The following WDR72 variants were observed in gnomAD, a reference collection of about 807,000 sequenced individuals.
WDR72 encodes the protein WD repeat domain 72, also known as WD repeat-containing protein 72.
A neutral mutation model predicts 124.2 loss-of-function variants in WDR72; 120 were observed. That is an observed-to-expected ratio of 0.97 (90% CI 0.83 to 1.12). The LOEUF (loss-of-function observed/expected upper bound fraction) is 1.12, where lower values mean the gene tolerates loss of function less well. Among genes scored for constraint, WDR72 ranks in the 50% most tolerant of loss-of-function variants. The probability of loss-of-function intolerance (pLI) is 0.00; values close to 1 mark genes in which losing one functional copy is unlikely to be tolerated. For missense variants in WDR72, 1,387 were observed against 1,278.8 expected (o/e 1.08, Z -1.29); for synonymous variants, 452 against 441.7 (o/e 1.02, Z -0.29).
chr15:53,639,664 TCTG>T (rs2014774933), intron 14 of WDR72, among the ~76,000 whole-genome samples: 2 of 151,954 alleles, frequency 1.3e-5, no homozygotes, highest in South Asian at 4.2e-4. Flanking sequence ...GTCTGATTCT[TCTG>T]CTATTAATAG....
At chr15:53,714,297 A>T (rs2017641846) in intron 6 of WDR72, 137 bp downstream of exon 6, 2 of 751,590 alleles carry the variant, frequency 2.7e-6, no homozygotes, top group Admixed American at 2.3e-5. Flanking sequence ...GATGGGGGAA[A>T]TATATGGAAG....
At chr15:53,590,622 G>A (rs569765568) in intron 18 of WDR72, among the ~76,000 whole-genome samples, 11 of 152,120 alleles carry the variant, frequency 7.2e-5, no homozygotes, top group African/African-American at 2.6e-4. Context: ...TAATTGGGAA[G>A]CAATGTAATA....
At chr15:53,554,874 AAAC>A (rs1893868462) in intron 18 of WDR72, among the ~76,000 whole-genome samples, 1 of 152,148 alleles carries the variant, frequency 6.6e-6, no homozygotes, top group African/African-American at 2.4e-5. Context: ...AAAAGCAAAC[AAAC>A]AAAAACCCCG....
At chr15:53,663,885 T>C (rs2015690605) in intron 14 of WDR72, among the ~76,000 whole-genome samples, 1 of 141,922 alleles carries the variant, frequency 7.0e-6, no homozygotes, top group African/African-American at 3.1e-5. Context: ...TTTCAATGCA[T>C]CTCTATAACT....
rs2013093092 is a variant in WDR72, at chr15:53,602,583, T to A, written c.2953-5309A>T. ...GGAAAATAAAATAAAATAAAATAGATCACTCACTAGACTAATAAAGAAGAA... is the reference window on the plus strand; with the variant it reads ...GGAAAATAAAATAAAATAAAATAGAACACTCACTAGACTAATAAAGAAGAA... On this transcript the variant is annotated intron_variant, in intron 17 of 19. Coordinates refer to ENST00000360509, the MANE Select transcript of WDR72 (RefSeq NM_182758.4). Among the ~76,000 whole-genome samples, 6 of 151,460 alleles carry A rather than the reference T, an allele frequency of 4.0e-5. No individual in the cohort carries two copies. In the South Asian group the frequency reaches 1.3e-3, roughly 32 times the overall value.
chr15:53,747,945 C>G (rs937086207), intron 1 of WDR72, among the ~76,000 whole-genome samples: 4 of 151,608 alleles, frequency 2.6e-5, no homozygotes, highest in Admixed American at 1.3e-4. Flanking sequence ...ATGTATTTAG[C>G]TTATACCACA....
At chr15:53,583,241 A>G (rs2012024995) in intron 18 of WDR72, among the ~76,000 whole-genome samples, 1 of 152,042 alleles carries the variant, frequency 6.6e-6, no homozygotes, top group South Asian at 2.1e-4. Context: ...TGATGTATGA[A>G]AAAAGAAACA....
intron 17 of WDR72, among the ~76,000 whole-genome samples, chr15:53,597,860 G>C (rs2140340521): frequency 6.6e-6 from 1 of 152,204 alleles, no homozygotes; most frequent in East Asian, 1.9e-4. Context: ...CGAAGGGCGG[G>C]GGGAAAGGGA....
At chr15:53,621,380 G>A (rs1200862538) in intron 14 of WDR72, among the ~76,000 whole-genome samples, 1 of 148,010 alleles carries the variant, frequency 6.8e-6, no homozygotes, top group Non-Finnish European at 1.5e-5. Context: ...TTGCAAAAAC[G>A]TGGAACCAAC....
In WDR72 at chr15:53,532,908, G is replaced by T. The variant is rs114515758; in HGVS notation, c.3149-9586C>A. Among the ~76,000 whole-genome samples, 571 of 152,110 alleles carry T rather than the reference G, an allele frequency of 3.8e-3. 6 individuals carry two copies. The highest frequency in any genetic ancestry group is 0.013 in the African/African-American group (547 of 41,506). ...TGTAACCCAAAAATATGTATAAGTA[G>T]TATGTATTCATAATAATTACAAATA... is the stretch of plus-strand genomic sequence containing the variant. On this transcript the variant is annotated intron_variant, in intron 18 of 19. Coordinates refer to ENST00000360509, the MANE Select transcript of WDR72 (RefSeq NM_182758.4).
rs1015264400 is a variant in WDR72, at chr15:53,716,766, T to C, written c.261-81A>G. 5 of 879,292 alleles carry C rather than the reference T, an allele frequency of 5.7e-6. No homozygotes were observed. In the African/African-American group the frequency reaches 8.5e-5, roughly 15 times the overall value. 54.5% of individuals were successfully genotyped at this position (879,292 alleles called of 1,614,324 possible). ...TAATTTTTGTGCCACCAAGTTTTTC[T>C]TTAGCAGCCTGATCATTTATGTGGC... On this transcript the variant is annotated intron_variant, in intron 3 of 19. Transcript: ENST00000360509.
chr15:53,543,633 A>G (rs1351591579), intron 18 of WDR72, among the ~76,000 whole-genome samples: 2 of 151,718 alleles, frequency 1.3e-5, no homozygotes, highest in African/African-American at 4.8e-5. Context: ...AAGGCAAGAA[A>G]TAACTAAAAT....
At chr15:53,585,268 T>A (rs1365503516) in intron 18 of WDR72, among the ~76,000 whole-genome samples, 1 of 151,980 alleles carries the variant, frequency 6.6e-6, no homozygotes, top group African/African-American at 2.4e-5. Context: ...AGCAGGCACC[T>A]TCTTTACAAG....
rs1361295224 is a variant in WDR72 at position 53,712,815 on chromosome 15, T to C, written c.668A>G (p.Tyr223Cys). 1.9e-6 allele frequency: 3 copies of C among 1,613,634 alleles called. No homozygotes were observed. The highest frequency in any genetic ancestry group is 1.3e-5 in the African/African-American group (1 of 74,918). ...TACCACCAATAGAAGTCTCTCAGTA[T>C]ATGTGCAAAATCGAATTGTCTGGCA... ...LNCQTIRFCTYTERLLLVVFS... is the reference protein window; with the variant it reads ...LNCQTIRFCTCTERLLLVVFS... The change falls in exon 7 of 20, where the codon TAT (tyrosine) becomes TGT (cysteine). Residue 223 changes from tyrosine (Y) to cysteine (C), a missense_variant. Tyr to Cys is a radical substitution (Grantham distance 194). Transcript: ENST00000360509.
upstream of WDR72, among the ~76,000 whole-genome samples, chr15:53,762,109 G>A (rs139261444): frequency 3.1e-3 from 479 of 152,186 alleles, 3 homozygotes; most frequent in African/African-American, 0.011. Context: ...CTGGAAGCAG[G>A]TTGGGAGAGA....
intron 18 of WDR72, among the ~76,000 whole-genome samples, chr15:53,542,946 A>G (rs570050848): frequency 0.021 from 3,158 of 151,896 alleles, 98 homozygotes; most frequent in African/African-American, 0.072. Context: ...AGAGCTAACT[A>G]TCCTAAATAT....
chr15:53,701,224 G>A (rs894637736), intron 12 of WDR72, among the ~76,000 whole-genome samples: 1 of 152,082 alleles, frequency 6.6e-6, no homozygotes, highest in Admixed American at 6.6e-5. Flanking sequence ...TTAAATAAAT[G>A]AATAAGCAAA....
At chr15:53,683,322 G>T (rs1175369168) in intron 13 of WDR72, among the ~76,000 whole-genome samples, 1 of 152,092 alleles carries the variant, frequency 6.6e-6, no homozygotes, top group East Asian at 1.9e-4. Flanking sequence ...ACATGTCATA[G>T]TAGCTAGAAG....
rs191299830 is a variant in WDR72, at chr15:53,732,439, T to C, written c.153+558A>G. ...ACTTGAGACAGGGACAATTAATTGC[T>C]AATCAATGGACCAAATCCTAGGTGA... On this transcript the variant is annotated intron_variant, in intron 2 of 19. Transcript: ENST00000360509. Among the ~76,000 whole-genome samples, 740 of 152,294 alleles carry C rather than the reference T, an allele frequency of 4.9e-3. 1 individual carries two copies. Among genetic ancestry groups the C allele is most frequent in the Middle Eastern group, 0.014 (4 of 294 alleles).
Sources: allele counts gnomAD v4.1 joint callset (sites outside exome capture counted in the v4.1 genomes callset), GRCh38; gene constraint gnomAD v4.1.1; transcripts MANE v1.5; gene names NCBI Gene and HGNC (gene_info 2026-07-23, HGNC 2026-07-21).